Variants in DLGAP1 observed in about 807,000 individuals in gnomAD.
DLGAP1 encodes disks large-associated protein 1.
In DLGAP1, 11 loss-of-function variants were observed where a neutral mutation model predicts 90.8. That is an observed-to-expected ratio of 0.12 (90% CI 0.08 to 0.20). The LOEUF is 0.20. Among genes scored for constraint, DLGAP1 ranks in the 10% least tolerant of loss-of-function variants. The pLI, the probability that DLGAP1 is intolerant of heterozygous loss-of-function variation, is 1.00. For missense variants in DLGAP1, 1,050 were observed against 1,333.8 expected, an observed-to-expected ratio of 0.79 and a Z score of 3.31; for synonymous variants, 558 against 540.7, an observed-to-expected ratio of 1.03 and a Z score of -0.44.
chr18:3,945,635 G>A (rs1194336952), intron 3 of DLGAP1, among the ~76,000 whole-genome samples: 1 of 152,076 alleles, frequency 6.6e-6, no homozygotes, highest in South Asian at 2.1e-4. Flanking sequence ...TCTTCTTATG[G>A]GATTTTTAAG....
chr18:4,124,273 A>G lies in DLGAP1; in HGVS notation c.-159+26907T>C, dbSNP rs147003081. On this transcript the variant is annotated intron_variant, in intron 2 of 12. Coordinates refer to ENST00000315677, the MANE Select transcript of DLGAP1 (RefSeq NM_004746.4). Reference sequence around the variant, plus strand: ...CTCTCAAACTCAGCCAGGACCCTAGAAGGATGGAGGTGGAATTTCTCCACC... The same window carrying G: ...CTCTCAAACTCAGCCAGGACCCTAGGAGGATGGAGGTGGAATTTCTCCACC... Among the ~76,000 whole-genome samples the G allele has an allele frequency of 4.8e-3, 726 of 152,310 alleles. 9 individuals are homozygous for G. The highest frequency in any genetic ancestry group is 0.016 in the African/African-American group (680 of 41,574).
intron 1 of DLGAP1, among the ~76,000 whole-genome samples, chr18:4,261,012 A>T (rs1199204060): frequency 6.6e-6 from 1 of 151,904 alleles, no homozygotes; most frequent in African/African-American, 2.4e-5. Flanking sequence ...ATGAAATGAG[A>T]GTGTGTAAAG....
chr18:4,038,590 G>C (rs1299432068), intron 2 of DLGAP1, among the ~76,000 whole-genome samples: 1 of 152,082 alleles, frequency 6.6e-6, no homozygotes, highest in African/African-American at 2.4e-5. Context: ...CAAAATGCAA[G>C]GGTGAAAAGA....
chr18:3,853,697 A>G (rs1019720988), intron 4 of DLGAP1, among the ~76,000 whole-genome samples: 2 of 152,086 alleles, frequency 1.3e-5, no homozygotes, highest in Non-Finnish European at 2.9e-5. Flanking sequence ...ACCCCAATCC[A>G]AAAATCTGAA....
intron 2 of DLGAP1, among the ~76,000 whole-genome samples, chr18:4,122,497 A>G (rs545169305): frequency 6.6e-6 from 1 of 152,322 alleles, no homozygotes; most frequent in Non-Finnish European, 1.5e-5. Context: ...CAGGTTAGTC[A>G]TGAGGTCTAA....
chr18:3,523,574 G>A (rs565142568), intron 10 of DLGAP1, among the ~76,000 whole-genome samples: 84 of 151,928 alleles, frequency 5.5e-4, no homozygotes, highest in African/African-American at 1.6e-3. Context: ...CCGACCAGGT[G>A]CGGTGGCTCA....
At chr18:3,809,801 C>T (rs1431210077) in intron 5 of DLGAP1, among the ~76,000 whole-genome samples, 10 of 152,266 alleles carry the variant, frequency 6.6e-5, no homozygotes, top group Middle Eastern at 3.4e-3. Context: ...GTTCTTTCTG[C>T]AGTGTATCAA....
At chr18:4,399,485 A>T (rs916583704) in intron 1 of DLGAP1, among the ~76,000 whole-genome samples, 2 of 152,236 alleles carry the variant, frequency 1.3e-5, no homozygotes, top group Non-Finnish European at 2.9e-5. Flanking sequence ...TCTGTCCAAA[A>T]TTAAACAGCT....
intron 1 of DLGAP1, among the ~76,000 whole-genome samples, chr18:4,228,135 G>A (rs903476186): frequency 6.6e-6 from 1 of 151,206 alleles, no homozygotes; most frequent in Non-Finnish European, 1.5e-5. Context: ...GTGAGATGAA[G>A]CCTACCAAGA....
At chr18:3,619,881 A>G (rs1599576056) in intron 7 of DLGAP1, among the ~76,000 whole-genome samples, 1 of 150,500 alleles carries the variant, frequency 6.6e-6, no homozygotes, top group Non-Finnish European at 1.5e-5. Context: ...CATAGACCCC[A>G]TCATTGCGCA....
At chr18:3,889,250 C>G (rs775710871) in intron 3 of DLGAP1, among the ~76,000 whole-genome samples, 1 of 152,124 alleles carries the variant, frequency 6.6e-6, no homozygotes, top group South Asian at 2.1e-4. Context: ...CAATGACAAT[C>G]AAAACAATAT....
chr18:4,280,793 G>A (rs949482860), intron 1 of DLGAP1: 4 of 152,152 alleles, frequency 2.6e-5, no homozygotes, highest in Non-Finnish European at 5.9e-5. Flanking sequence ...TCTTAAACTC[G>A]TGAATCTAAC....
At chr18:3,568,318 G>A (rs1053384807) in intron 8 of DLGAP1, among the ~76,000 whole-genome samples, 1 of 152,126 alleles carries the variant, frequency 6.6e-6, no homozygotes, top group Non-Finnish European at 1.5e-5. Flanking sequence ...AAACTATAGA[G>A]TGTCTTCATT....
In DLGAP1 at chr18:3,497,002, T is replaced by C. The variant is rs1206327813; in HGVS notation, c.*2183A>G. 3 of 152,232 alleles carry C rather than the reference T, an allele frequency of 2.0e-5. 1 individual carries two copies. The highest frequency in any genetic ancestry group is 6.3e-3 in the Middle Eastern group (2 of 316). 9.4% of individuals were successfully genotyped at this position (152,232 alleles called of 1,614,324 possible). On this transcript the variant is annotated 3_prime_UTR_variant, in exon 13 of 13. Coordinates refer to ENST00000315677, the MANE Select transcript of DLGAP1 (RefSeq NM_004746.4). ...AAATTAGTTTCCAAAGAAAATATTG[T>C]AGGATGATCTTGAGTCGTATTAGAA...
At chr18:3,600,811 T>G (rs867440755) in intron 7 of DLGAP1, among the ~76,000 whole-genome samples, 43 of 93,206 alleles carry the variant, frequency 4.6e-4, no homozygotes, top group African/African-American at 1.4e-3. Context: ...GATATATAGA[T>G]ATATATAGAT....
At chr18:3,501,967 A>C (rs1218835625) in intron 12 of DLGAP1, among the ~76,000 whole-genome samples, 3 of 151,908 alleles carry the variant, frequency 2.0e-5, no homozygotes, top group African/African-American at 7.2e-5. Context: ...AAAAAAAAAA[A>C]AACCCAACAT....
chr18:3,558,622 T>A (rs2053897063), intron 9 of DLGAP1, among the ~76,000 whole-genome samples: 1 of 152,226 alleles, frequency 6.6e-6, no homozygotes, highest in Non-Finnish European at 1.5e-5. Context: ...TTTATCATCA[T>A]CTTTATCCCT....
intron 2 of DLGAP1, among the ~76,000 whole-genome samples, chr18:4,140,708 T>C (rs762116058): frequency 2.6e-5 from 4 of 152,026 alleles, no homozygotes; most frequent in African/African-American, 7.2e-5. Context: ...CCCTTTAGCA[T>C]TTCTTGTAAG....
At chr18:3,776,736 A>G (rs1395143751) in intron 5 of DLGAP1, among the ~76,000 whole-genome samples, 1 of 152,214 alleles carries the variant, frequency 6.6e-6, no homozygotes, top group East Asian at 1.9e-4. Context: ...AAAAAACAAA[A>G]ACAAAAACAA....
Sources: gnomAD v4.1 joint callset for allele counts (sites outside exome capture counted in the v4.1 genomes callset) on GRCh38, gnomAD v4.1.1 for gene constraint, MANE v1.5 for transcripts, NCBI Gene and HGNC (gene_info 2026-07-23, HGNC 2026-07-21) for gene names.